The following RAD51B variants were observed in gnomAD, a reference collection of about 807,000 sequenced individuals.
The protein encoded by RAD51B is RAD51 paralog B.
RAD51B carries 38 observed loss-of-function variants against 42.2 expected under a neutral mutation model. The observed-to-expected ratio is 0.90, with a 90% CI of 0.70 to 1.18. RAD51B has a LOEUF of 1.18. Among genes scored for constraint, RAD51B ranks in the 50% most tolerant of loss-of-function variants. The pLI is 0.00. For synonymous variants in RAD51B, 154 were observed against 145.2 expected (o/e 1.06, Z -0.43); for missense variants, 373 against 400.7 (o/e 0.93, Z 0.59).
intron 8 of RAD51B, among the ~76,000 whole-genome samples, chr14:68,318,241 C>T (rs899015543): frequency 1.3e-5 from 2 of 152,206 alleles, no homozygotes; most frequent in Non-Finnish European, 1.5e-5. Flanking sequence ...TTCAACCTGG[C>T]CATAGGCTGC....
chr14:68,505,843 G>C (rs1007286721), intron 10 of RAD51B, among the ~76,000 whole-genome samples: 5 of 152,186 alleles, frequency 3.3e-5, no homozygotes, highest in Non-Finnish European at 7.3e-5. Context: ...GTGAGCGACC[G>C]CGCCCAGCCA....
intron 7 of RAD51B, among the ~76,000 whole-genome samples, chr14:68,261,501 C>G (rs550137507): frequency 6.6e-6 from 1 of 152,310 alleles, no homozygotes; most frequent in South Asian, 2.1e-4. Flanking sequence ...CTCTCTCTTT[C>G]TTGTATATAA....
intron 7 of RAD51B, among the ~76,000 whole-genome samples, chr14:67,970,320 T>G (rs1471944179): frequency 1.3e-5 from 2 of 152,142 alleles, no homozygotes; most frequent in Admixed American, 6.5e-5. Context: ...GAATTGCTGT[T>G]TATTTGTTCT....
intron 7 of RAD51B, among the ~76,000 whole-genome samples, chr14:67,902,360 C>T (rs749558447): frequency 3.3e-5 from 5 of 152,084 alleles, no homozygotes; most frequent in Non-Finnish European, 7.4e-5. Flanking sequence ...TGAAGCACTA[C>T]GTAACTTGTT....
chr14:68,151,072 T>C (rs2078368895), intron 7 of RAD51B, among the ~76,000 whole-genome samples: 3 of 152,146 alleles, frequency 2.0e-5, no homozygotes, highest in Admixed American at 6.5e-5. Flanking sequence ...GAATTTTCTC[T>C]ATCAGGTCTT....
At chr14:68,556,349 A>G (rs370515142) in intron 10 of RAD51B, among the ~76,000 whole-genome samples, 2 of 152,116 alleles carry the variant, frequency 1.3e-5, no homozygotes, top group South Asian at 4.1e-4. Flanking sequence ...TCAGGCCCCT[A>G]CCTGGAACCA....
chr14:68,235,515 T>G (rs1355996384), intron 7 of RAD51B, among the ~76,000 whole-genome samples: 3 of 151,016 alleles, frequency 2.0e-5, no homozygotes, highest in African/African-American at 7.3e-5. Flanking sequence ...CCATCCCGGC[T>G]AAAACGGTGA....
intron 10 of RAD51B, among the ~76,000 whole-genome samples, chr14:68,604,244 G>T (rs968432118): frequency 6.6e-6 from 1 of 151,952 alleles, no homozygotes; most frequent in Non-Finnish European, 1.5e-5. Flanking sequence ...CTCCCAGGCT[G>T]AAACTCCGAG....
chr14:68,349,607 C>T (rs1034925514), intron 8 of RAD51B, among the ~76,000 whole-genome samples: 2 of 152,142 alleles, frequency 1.3e-5, no homozygotes, highest in Non-Finnish European at 2.9e-5. Flanking sequence ...CTCAGGTGAT[C>T]CACCCACCTC....
At chr14:67,829,790 C>T (rs772211897) in intron 3 of RAD51B, among the ~76,000 whole-genome samples, 1 of 152,144 alleles carries the variant, frequency 6.6e-6, no homozygotes, top group Admixed American at 6.5e-5. Context: ...TTGTAGTTTA[C>T]AGTCTAGTGG....
chr14:68,607,692 C>G (rs1262706796), intron 10 of RAD51B, among the ~76,000 whole-genome samples: 1 of 152,220 alleles, frequency 6.6e-6, no homozygotes, highest in African/African-American at 2.4e-5. Flanking sequence ...GCCTTTGTGT[C>G]TTCCTCTTCT....
chr14:68,018,495 G>A (rs1422907643), intron 7 of RAD51B, among the ~76,000 whole-genome samples: 1 of 152,100 alleles, frequency 6.6e-6, no homozygotes, highest in East Asian at 1.9e-4. Context: ...CTATTTACTT[G>A]GTGTGGGCGA....
chr14:68,573,840 A>G (rs999189167), intron 10 of RAD51B, among the ~76,000 whole-genome samples: 12 of 152,316 alleles, frequency 7.9e-5, no homozygotes, highest in African/African-American at 2.2e-4. Context: ...TGAAGACTTT[A>G]GCTTCACTTT....
At chr14:68,367,344 C>T (rs1363125510) in intron 8 of RAD51B, among the ~76,000 whole-genome samples, 1 of 152,150 alleles carries the variant, frequency 6.6e-6, no homozygotes, top group East Asian at 1.9e-4. Context: ...TGTGAGGATT[C>T]CAAGACTTGA....
rs113065547 is a variant in RAD51B at position 68,475,474 on chromosome 14, A to G, written c.1037-2174A>G. ...AGAAGAGAAAGGGTATCACTTCACCAAGGATCAGCACCCAAAAATCTTGTT... is the reference window on the plus strand; with the variant it reads ...AGAAGAGAAAGGGTATCACTTCACCGAGGATCAGCACCCAAAAATCTTGTT... On this transcript the variant is annotated intron_variant, in intron 10 of 10. Coordinates refer to ENST00000471583, the MANE Select transcript of RAD51B (RefSeq NM_133510.4). Among the ~76,000 whole-genome samples the G allele has an allele frequency of 8.5e-3, 1,302 of 152,322 alleles. 22 individuals carry two copies. Among genetic ancestry groups the G allele is most frequent in the African/African-American group, 0.03 (1,254 of 41,568 alleles).
At chr14:68,443,664 CATGGGG>C in intron 9 of RAD51B, among the ~76,000 whole-genome samples, 1 of 151,940 alleles carries the variant, frequency 6.6e-6, no homozygotes, top group Non-Finnish European at 1.5e-5. Context: ...AAAACCAAGA[CATGGGG>C]TTGGTTTTAT....
chr14:68,397,367 C>A (rs1312043481), intron 8 of RAD51B, among the ~76,000 whole-genome samples: 5 of 152,222 alleles, frequency 3.3e-5, no homozygotes, highest in African/African-American at 4.8e-5. Flanking sequence ...ATTAAAATAA[C>A]CCTGCTAGCC....
At chr14:68,430,439 A>T (rs2084972419) in intron 9 of RAD51B, among the ~76,000 whole-genome samples, 1 of 152,130 alleles carries the variant, frequency 6.6e-6, no homozygotes. Flanking sequence ...AGTGGTTTGT[A>T]GTTCTCCTTG....
intron 7 of RAD51B, among the ~76,000 whole-genome samples, chr14:68,090,386 T>C (rs2077070902): frequency 6.6e-6 from 1 of 152,224 alleles, no homozygotes; most frequent in African/African-American, 2.4e-5. Context: ...AGGTTAAGAT[T>C]AGCTTTTAAC....
Sources: allele counts gnomAD v4.1 joint callset (sites outside exome capture counted in the v4.1 genomes callset), GRCh38; gene constraint gnomAD v4.1.1; transcripts MANE v1.5; gene names NCBI Gene and HGNC (gene_info 2026-07-23, HGNC 2026-07-21).